The following CACNA1S variants were observed in gnomAD, a reference collection of about 807,000 sequenced individuals.
CACNA1S encodes the protein voltage-dependent L-type calcium channel subunit alpha-1S.
Under a neutral mutation model 207.4 loss-of-function variants are expected in CACNA1S, and 126 were observed. That is an observed-to-expected ratio of 0.61 (90% CI 0.53 to 0.70). The LOEUF (loss-of-function observed/expected upper bound fraction) is 0.70. Ranked by LOEUF, CACNA1S falls within the 30% of genes least tolerant of loss-of-function variation. The pLI, the probability that CACNA1S is intolerant of heterozygous loss-of-function variation, is 0.00. For missense variants in CACNA1S, 2,349 were observed against 2,422.8 expected, an observed-to-expected ratio of 0.97 and a Z score of 0.64; for synonymous variants, 960 against 932.7, an observed-to-expected ratio of 1.03 and a Z score of -0.53.
In CACNA1S at chr1:201,062,456, A is replaced by G. The variant is rs936662369; in HGVS notation, c.2906+6T>C. 1.3e-6 allele frequency: 2 copies of G among 1,594,480 alleles called. No individual in the cohort carries two copies. Among genetic ancestry groups the G allele is most frequent in the Admixed American group, 1.7e-5 (1 of 59,230 alleles). ...ACCGTCCCACTGTGCTCCCTGCCCC[A>G]TGTACCTGCACTCCTCCTCTGTCAT... On this transcript the variant is annotated splice_donor_region_variant and intron_variant, in intron 23 of 43. Coordinates refer to ENST00000362061, the MANE Select transcript of CACNA1S (RefSeq NM_000069.3).
chr1:201,066,766 G>A lies in CACNA1S; in HGVS notation c.2657+121C>T. 1.3e-6 allele frequency: 1 copy of A among 757,884 alleles called. No homozygotes were observed. The highest frequency in any genetic ancestry group is 2.3e-6 in the Non-Finnish European group (1 of 426,784). 46.9% of individuals were successfully genotyped at this position (757,884 alleles called of 1,614,324 possible). On this transcript the variant is annotated intron_variant, in intron 20 of 43. Coordinates refer to ENST00000362061, the MANE Select transcript of CACNA1S (RefSeq NM_000069.3). This position sits in a 1 kb window ranked among gnomAD's most constrained non-coding sequence, Gnocchi z 4.3. ...ACAGGACCCCCTGCCTCCATCGGAG[G>A]CCCCGAGAGACCCTCCTCTTGTGGC...
intron 7 of CACNA1S, 92 bp from the exon 8 acceptor site, chr1:201,085,673 G>A: frequency 6.8e-7 from 1 of 1,471,740 alleles, no homozygotes; most frequent in Non-Finnish European, 9.4e-7. Flanking sequence ...AGCCCATTCT[G>A]TGACTGGAGC....
rs1660729628 is a variant in CACNA1S, at chr1:201,053,491, T to C, written c.3763A>G (p.Thr1255Ala). Residue 1255 changes from threonine (T) to alanine (A), a missense_variant, in exon 30 of 44, where the codon ACC becomes GCC. Thr to Ala is a moderately conservative substitution (Grantham distance 58). Transcript: ENST00000362061. The surrounding 1 kb of genome is among the most constrained non-coding windows in gnomAD (Gnocchi z 5.1). The stretch of plus-strand genomic sequence containing the variant: ...GACTTGATGAACGTCCACAGGAGGG[T>C]TCGCACTCCTTCTGCCCGGCTCAGC... Reference protein sequence around the residue: ...KLLSRAEGVRTLLWTFIKSFQ... With the variant: ...KLLSRAEGVRALLWTFIKSFQ... The C allele has an allele frequency of 4.5e-5, 72 of 1,614,002 alleles. 1 individual carries two copies. The highest frequency in any genetic ancestry group is 6.0e-5 in the Non-Finnish European group (71 of 1,179,986).
intron 1 of CACNA1S, among the ~76,000 whole-genome samples, chr1:201,111,080 G>T (rs1397646170): frequency 6.8e-6 from 1 of 146,640 alleles, no homozygotes; most frequent in Non-Finnish European, 1.5e-5. Flanking sequence ...GAGGAGCAGA[G>T]GATGGAGGAG....
At chr1:201,103,379 T>G (rs1050675465) in intron 2 of CACNA1S, among the ~76,000 whole-genome samples, 1 of 152,186 alleles carries the variant, frequency 6.6e-6, no homozygotes, top group African/African-American at 2.4e-5. Flanking sequence ...AGGCCGTCCT[T>G]TCCTGCGACT....
At chr1:201,095,735 G>A (rs1415208355) in intron 2 of CACNA1S, among the ~76,000 whole-genome samples, 1 of 152,234 alleles carries the variant, frequency 6.6e-6, no homozygotes, top group Non-Finnish European at 1.5e-5. Context: ...TTCTGTGAAA[G>A]GGCCTGTTGA....
intron 12 of CACNA1S, among the ~76,000 whole-genome samples, 177 bp downstream of exon 12, chr1:201,076,743 C>T (rs1479684507): frequency 1.3e-5 from 2 of 152,178 alleles, no homozygotes; most frequent in African/African-American, 4.8e-5. Context: ...GACCCATAAG[C>T]AAGTGTTACA....
At chr1:201,107,050 C>A (rs1406594290) in intron 2 of CACNA1S, among the ~76,000 whole-genome samples, 1 of 152,246 alleles carries the variant, frequency 6.6e-6, no homozygotes, top group Admixed American at 6.5e-5. Flanking sequence ...AAGCTGAGAG[C>A]CCCTCCTTAG....
At chr1:201,075,668 T>C in intron 12 of CACNA1S, 53 bp from the exon 13 acceptor site, 1 of 1,599,022 alleles carries the variant, frequency 6.3e-7, no homozygotes, top group South Asian at 1.1e-5. Context: ...CTGAGAGTCT[T>C]CTATTGGGAC....
chr1:201,099,682 C>A (rs1034871021), intron 2 of CACNA1S, among the ~76,000 whole-genome samples: 2 of 152,136 alleles, frequency 1.3e-5, no homozygotes, highest in Non-Finnish European at 2.9e-5. Context: ...TCCCCTCCCT[C>A]TTAGGAACCT....
Position 201,066,162 on chromosome 1 carries a change from T to C in CACNA1S, c.2745+67A>G, listed in dbSNP as rs528106235. On this transcript the variant is annotated intron_variant, in intron 21 of 43. Coordinates refer to ENST00000362061, the MANE Select transcript of CACNA1S (RefSeq NM_000069.3). This position sits in a 1 kb window ranked among gnomAD's most constrained non-coding sequence, Gnocchi z 4.3. ...CCAGCCATGGCTGGGCTGAGGTTTC[T>C]GGAGCGAGGAGGCCCCTGTAACCCC... The C allele has an allele frequency of 5.8e-5, 85 of 1,473,978 alleles. No homozygotes were observed. The highest frequency in any genetic ancestry group is 1.3e-4 in the Admixed American group (8 of 59,612). The allele number at this position is 1,473,978 out of a possible 1,614,324, so 91.3% of individuals were successfully genotyped here. A position where few individuals can be genotyped will look rare whatever the true frequency, so the allele number is the denominator to read the frequency against.
rs1041160277 is a variant in CACNA1S at position 201,049,153 on chromosome 1, C to T, written c.4242-54G>A. The T allele has an allele frequency of 4.2e-4, 530 of 1,263,014 alleles. 3 individuals carry two copies. The highest frequency in any genetic ancestry group is 1.4e-4 in the Admixed American group (7 of 51,724). The allele number at this position is 1,263,014 out of a possible 1,614,324, so 78.2% of individuals were successfully genotyped here. ...CTGCTACCCTCCTCCGCTGCCAGAA[C>T]CTTTCTGCTCAGAGGATGGGCAATG... On this transcript the variant is annotated intron_variant, in intron 34 of 43. Coordinates refer to ENST00000362061, the MANE Select transcript of CACNA1S (RefSeq NM_000069.3).
intron 39 of CACNA1S, among the ~76,000 whole-genome samples, chr1:201,043,929 A>C (rs1660385679): frequency 6.6e-6 from 1 of 152,068 alleles, no homozygotes; most frequent in Admixed American, 6.5e-5. Flanking sequence ...AAAAGACCTA[A>C]CTAGGTGTCA....
intron 28 of CACNA1S, among the ~76,000 whole-genome samples, chr1:201,056,184 A>AC (rs1660839354): frequency 6.6e-6 from 1 of 151,936 alleles, no homozygotes; most frequent in Non-Finnish European, 1.5e-5. Context: ...GTTGTCTGTC[A>AC]CCGTCTGTTC....
chr1:201,075,449 A>ACCCCC, intron 13 of CACNA1S, 46 bp downstream of exon 13: 2 of 1,063,650 alleles, frequency 1.9e-6, no homozygotes, highest in East Asian at 3.6e-5. Context: ...CCTTTCCCCC[A>ACCCCC]CCCCCTCCCT....
intron 39 of CACNA1S, 134 bp downstream of exon 39, chr1:201,044,194 G>C: frequency 9.5e-7 from 1 of 1,049,394 alleles, no homozygotes; most frequent in Non-Finnish European, 1.4e-6. Flanking sequence ...GGGTGGTGAA[G>C]TGGAGAGACG....
chr1:201,074,835 C>T (rs946477737), intron 13 of CACNA1S, among the ~76,000 whole-genome samples: 9 of 152,186 alleles, frequency 5.9e-5, no homozygotes, highest in Non-Finnish European at 1.2e-4. Context: ...CCTTGAATCC[C>T]ATCCGTTTCC....
chr1:201,047,288 C>T (rs753812640), intron 37 of CACNA1S, 49 bp from the exon 38 acceptor site: 3 of 1,612,876 alleles, frequency 1.9e-6, no homozygotes, highest in Admixed American at 3.3e-5. Context: ...GGGAATCTGA[C>T]ACTGGATTCA....
rs1176886702 is a variant in CACNA1S at position 201,103,244 on chromosome 1, C to CAA, written c.258+6918_258+6919dup. 7.4e-4 allele frequency among the ~76,000 whole-genome samples: 88 copies of CAA among 118,396 alleles called. 1 individual carries two copies. The highest frequency in any genetic ancestry group is 4.5e-3 in the Middle Eastern group (1 of 222). 77.7% of individuals were successfully genotyped at this position (118,396 alleles called of 152,430 possible). A position where few individuals can be genotyped will look rare whatever the true frequency, so the allele number is the denominator to read the frequency against. On this transcript the variant is annotated intron_variant, in intron 2 of 43. Transcript: ENST00000362061. ...CTGGGTGACAGAGGAGACTTGGTCTCAAAAAAAAAAAAAAAAGAAAGAAAG... is the reference window on the plus strand; with the variant it reads ...CTGGGTGACAGAGGAGACTTGGTCTCAAAAAAAAAAAAAAAAAAGAAAGAAAG...
Sources: allele counts gnomAD v4.1 joint callset (sites outside exome capture counted in the v4.1 genomes callset), GRCh38; gene constraint gnomAD v4.1.1; non-coding constraint Gnocchi (gnomAD v3.1); transcripts MANE v1.5; gene names NCBI Gene and HGNC (gene_info 2026-07-23, HGNC 2026-07-21).